Variants in BIRC6 observed in about 807,000 individuals in gnomAD.
BIRC6 encodes dual E2 ubiquitin-conjugating enzyme/E3 ubiquitin-protein ligase BIRC6.
In BIRC6, 98 loss-of-function variants were observed where a neutral mutation model predicts 503.3. That is an observed-to-expected ratio of 0.19 (90% CI 0.17 to 0.23). The LOEUF is 0.23. Ranked by LOEUF, BIRC6 falls within the 10% of genes least tolerant of loss-of-function variation. The pLI is 1.00. For synonymous variants in BIRC6, 2,240 were observed against 2,078.7 expected (o/e 1.08, Z -2.11); for missense variants, 5,360 against 5,806.0 (o/e 0.92, Z 2.50).
chr2:32,470,854 G>A (rs1407882797), intron 31 of BIRC6, among the ~76,000 whole-genome samples, 160 bp from the exon 32 acceptor site: 2 of 151,982 alleles, frequency 1.3e-5, no homozygotes, highest in African/African-American at 2.4e-5. Flanking sequence ...TCTGGCTGTT[G>A]GTGTCTATTT....
chr2:32,408,229 A>C (rs942129764), intron 9 of BIRC6, among the ~76,000 whole-genome samples: 8 of 152,028 alleles, frequency 5.3e-5, no homozygotes. Context: ...TGGCCTCCTA[A>C]AGTGCTAGGA....
rs13390418 is a variant in BIRC6 at position 32,446,771 on chromosome 2, T to A, written c.4484+1103T>A. ...TTTTTTTTTTTTTTTTTTTTTTTTT[T>A]ATTGATCATTCTTGGGTGTTTCTCG... On this transcript the variant is annotated intron_variant, in intron 21 of 73. Transcript: ENST00000421745. Among the ~76,000 whole-genome samples, 555 of 110,694 alleles carry A rather than the reference T, an allele frequency of 5.0e-3. 1 individual carries two copies. The highest frequency in any genetic ancestry group is 0.012 in the African/African-American group (336 of 28,062). 72.6% of individuals were successfully genotyped at this position (110,694 alleles called of 152,430 possible). A position where few individuals can be genotyped will look rare whatever the true frequency, so the allele number is the denominator to read the frequency against.
At position 32,501,695 on chromosome 2, in the gene BIRC6, A is replaced by G. The variant is rs759096450; in HGVS notation, c.9032-18A>G. ...TGGATATATATACTTTTAATGTGGTATCTTTTATTTTTCTTAGGAGCAAGT... is the reference window on the plus strand; with the variant it reads ...TGGATATATATACTTTTAATGTGGTGTCTTTTATTTTTCTTAGGAGCAAGT... On this transcript the variant is annotated intron_variant, in intron 46 of 73. Coordinates refer to ENST00000421745, the MANE Select transcript of BIRC6 (RefSeq NM_016252.4). The G allele has an allele frequency of 4.5e-5, 72 of 1,599,674 alleles. No individual in the cohort carries two copies. The highest frequency in any genetic ancestry group is 1.9e-4 in the Admixed American group (11 of 57,098).
At chr2:32,553,019 T>TA (rs74670138) in intron 65 of BIRC6, among the ~76,000 whole-genome samples, 129 of 141,670 alleles carry the variant, frequency 9.1e-4, no homozygotes, top group East Asian at 1.7e-3. Context: ...TTATCTCTAC[T>TA]AAAAAAAAAA....
intron 71 of BIRC6, among the ~76,000 whole-genome samples, chr2:32,605,306 G>A (rs370581151): frequency 8.7e-4 from 133 of 152,188 alleles, no homozygotes; most frequent in African/African-American, 1.9e-4. Context: ...AACAAAATAC[G>A]CCGTGAATCT....
chr2:32,454,489 T>G (rs2047031106), intron 23 of BIRC6, among the ~76,000 whole-genome samples: 1 of 151,984 alleles, frequency 6.6e-6, no homozygotes, highest in Non-Finnish European at 1.5e-5. Context: ...ATTTTTTTTT[T>G]CCTTCTCACG....
At chr2:32,529,861 T>A (rs781041085) in intron 60 of BIRC6, 37 bp downstream of exon 60, 22 of 1,366,926 alleles carry the variant, frequency 1.6e-5, no homozygotes, top group Non-Finnish European at 2.1e-5. Context: ...TTACAGACTG[T>A]CATACAAAGA....
chr2:32,531,587 A>G (rs749300091), intron 61 of BIRC6, 36 bp downstream of exon 61: 10 of 1,514,136 alleles, frequency 6.6e-6, no homozygotes, highest in Non-Finnish European at 9.0e-6. Context: ...ATATCATTCC[A>G]TAGCTAAGCC....
intron 66 of BIRC6, among the ~76,000 whole-genome samples, chr2:32,587,584 C>T (rs1031149034): frequency 4.7e-5 from 7 of 150,120 alleles, no homozygotes; most frequent in African/African-American, 1.5e-4. Context: ...ATTAGCCAGG[C>T]GTGGTGGTGT....
At chr2:32,386,908 G>A (rs1163446295) in intron 3 of BIRC6, among the ~76,000 whole-genome samples, 1 of 152,076 alleles carries the variant, frequency 6.6e-6, no homozygotes, top group East Asian at 1.9e-4. Context: ...ATTGTTTTCA[G>A]TTGCCTGTTT....
intron 59 of BIRC6, 76 bp downstream of exon 59, chr2:32,525,704 C>A: frequency 7.0e-7 from 1 of 1,423,534 alleles, no homozygotes; most frequent in Non-Finnish European, 9.5e-7. Flanking sequence ...GCACAGTCAC[C>A]AAAATCATTT....
At chr2:32,548,504 G>A (rs746353349) in intron 64 of BIRC6, among the ~76,000 whole-genome samples, 23 of 151,566 alleles carry the variant, frequency 1.5e-4, no homozygotes, top group Admixed American at 3.3e-4. Flanking sequence ...CTTTTCAGCC[G>A]GGCGTGGTGG....
intron 60 of BIRC6, among the ~76,000 whole-genome samples, chr2:32,530,161 C>G (rs1489404747): frequency 6.6e-6 from 1 of 152,132 alleles, no homozygotes; most frequent in Non-Finnish European, 1.5e-5. Flanking sequence ...TGCATATAAA[C>G]ATGTTTTCTC....
chr2:32,550,594 T>C (rs1288933287), intron 65 of BIRC6, among the ~76,000 whole-genome samples: 1 of 152,118 alleles, frequency 6.6e-6, no homozygotes, highest in African/African-American at 2.4e-5. Flanking sequence ...TAGGGTGCGA[T>C]AGGTTTCTTT....
Position 32,436,640 on chromosome 2 carries a change from C to A in BIRC6, c.3631+456C>A, listed in dbSNP as rs569086319. On this transcript the variant is annotated intron_variant, in intron 15 of 73. Transcript: ENST00000421745. ...TGTCACCCAGGCTGGAGTGTAGTGG[C>A]GCTATCTTTGCTCACTGAAACCTCC... 3.9e-5 allele frequency among the ~76,000 whole-genome samples: 6 copies of A among 151,986 alleles called. No homozygotes were observed. The South Asian group carries it at 1.2e-3, about 32-fold the overall frequency.
At chr2:32,546,207 A>T (rs1232482848) in intron 63 of BIRC6, among the ~76,000 whole-genome samples, 1 of 152,188 alleles carries the variant, frequency 6.6e-6, no homozygotes, top group African/African-American at 2.4e-5. Flanking sequence ...GGATCTAGCC[A>T]GTGCAATAAG....
intron 23 of BIRC6, among the ~76,000 whole-genome samples, chr2:32,460,822 CA>C (rs2047812607): frequency 6.6e-6 from 1 of 151,690 alleles, no homozygotes; most frequent in South Asian, 2.1e-4. Flanking sequence ...TATTAAAAAC[CA>C]TATATATTAC....
intron 61 of BIRC6, among the ~76,000 whole-genome samples, chr2:32,539,509 A>C (rs1373040974): frequency 6.6e-6 from 1 of 152,234 alleles, no homozygotes. Context: ...ATTAAATTGG[A>C]AACCAATAGC....
intron 32 of BIRC6, among the ~76,000 whole-genome samples, chr2:32,471,339 G>C (rs1262195726): frequency 6.6e-6 from 1 of 152,208 alleles, no homozygotes. Context: ...TCCTTTGTCT[G>C]GACATGACTT....
Sources: allele counts gnomAD v4.1 joint callset (sites outside exome capture counted in the v4.1 genomes callset), GRCh38; gene constraint gnomAD v4.1.1; transcripts MANE v1.5; gene names NCBI Gene and HGNC (gene_info 2026-07-23, HGNC 2026-07-21).